The following TMEM52B variants were observed in gnomAD, a reference collection of about 807,000 sequenced individuals.
TMEM52B encodes chromosome 12 open reading frame 59.
A neutral mutation model predicts 16.1 loss-of-function variants in TMEM52B; 11 were observed. The ratio of observed to expected loss-of-function variants is 0.68; its 90% CI spans 0.43 to 1.13. TMEM52B has a LOEUF of 1.13. Among genes scored for constraint, TMEM52B ranks in the 50% most tolerant of loss-of-function variants. The probability of loss-of-function intolerance (pLI) is 0.00; values close to 1 mark genes in which losing one functional copy is unlikely to be tolerated. For missense variants in TMEM52B, 243 were observed against 230.4 expected (o/e 1.05, Z -0.35); for synonymous variants, 101 against 93.8 (o/e 1.08, Z -0.45).
upstream of TMEM52B, among the ~76,000 whole-genome samples, chr12:10,177,810 AATAATTT>A (rs1948778637): frequency 1.4e-5 from 1 of 71,964 alleles, no homozygotes; most frequent in Non-Finnish European, 3.0e-5. Flanking sequence ...TAATAATAAT[AATAATTT>A]TTTTATTAAA....
At chr12:10,183,492 A>T (rs1057039336) in intron 2 of TMEM52B, among the ~76,000 whole-genome samples, 6 of 152,336 alleles carry the variant, frequency 3.9e-5, no homozygotes, top group Admixed American at 6.5e-5. Flanking sequence ...TTTTCTATAA[A>T]TGTGTGACCA....
intron 1 of TMEM52B, chr12:10,172,226 G>A (rs1948728847): frequency 1.7e-6 from 1 of 600,392 alleles, no homozygotes; most frequent in African/African-American, 1.8e-5. Context: ...GAGAGGCTTT[G>A]CTTCATATTG....
chr12:10,182,080 G>GT (rs1355796875), intron 1 of TMEM52B: 1 of 959,394 alleles, frequency 1.0e-6, no homozygotes, highest in East Asian at 1.2e-4. Flanking sequence ...GTGGCATCTA[G>GT]TAGCTATTCG....
chr12:10,174,759 G>A (rs747624802), upstream of TMEM52B, among the ~76,000 whole-genome samples: 1 of 152,046 alleles, frequency 6.6e-6, no homozygotes, highest in Non-Finnish European at 1.5e-5. Context: ...TCCTTTCTTG[G>A]AAACCACCGT....
chr12:10,186,347 A>G (rs371304171), intron 3 of TMEM52B, 73 bp from the exon 4 acceptor site: 2 of 1,257,836 alleles, frequency 1.6e-6, no homozygotes. Flanking sequence ...CACAGACATT[A>G]AAGACTGGTT....
At chr12:10,189,004 G>C (rs1445524273) in intron 4 of TMEM52B, among the ~76,000 whole-genome samples, 6 of 111,218 alleles carry the variant, frequency 5.4e-5, no homozygotes, top group African/African-American at 1.7e-4. Flanking sequence ...GCGACAGAGC[G>C]AGACTCCGTC....
intron 1 of TMEM52B, chr12:10,172,254 A>G (rs1243614053): frequency 1.8e-6 from 1 of 557,732 alleles, no homozygotes; most frequent in African/African-American, 1.9e-5. Context: ...CGCTGACGCA[A>G]ATTCTTGAGT....
rs1330429628 is a variant in TMEM52B, at chr12:10,188,532, G to A, written c.308-1364G>A. Among the ~76,000 whole-genome samples, 324 of 26,670 alleles carry A rather than the reference G, an allele frequency of 0.012. 3 individuals are homozygous for A. The East Asian group carries it at 0.14, about 11-fold the overall frequency. 17.5% of individuals were successfully genotyped at this position (26,670 alleles called of 152,430 possible). On this transcript the variant is annotated intron_variant, in intron 4 of 4. Transcript: ENST00000543484. ...AGGAAGGAAGGAAGGAAGGAAGGAA[G>A]GAAGGAAAAGAAGAAAAAGAAAAAG...
At chr12:10,182,177 A>C (rs1407709494) in intron 1 of TMEM52B, 2 of 985,158 alleles carry the variant, frequency 2.0e-6, no homozygotes, top group African/African-American at 1.7e-5. Context: ...GGATAAAAAA[A>C]GAGCAGTGGT....
At chr12:10,182,314 C>T (rs1948834057) in intron 1 of TMEM52B, 1 of 985,204 alleles carries the variant, frequency 1.0e-6, no homozygotes, top group Admixed American at 6.2e-5. Context: ...GGGTGATGCT[C>T]ACCCACCATC....
rs1281337144 is a variant in TMEM52B at position 10,179,310 on chromosome 12, C to T, written c.-265C>T. 1 of 471,264 alleles carries T rather than the reference C, an allele frequency of 2.1e-6. No homozygotes were observed. Among genetic ancestry groups the T allele is most frequent in the African/African-American group, 2.0e-5 (1 of 51,126 alleles). 29.2% of individuals were successfully genotyped at this position (471,264 alleles called of 1,614,324 possible). ...AATAGTGTAACGGAAAGAAAGAAGG[C>T]AAAAGGAAGTAAATGTGGAGGCCAT... is the stretch of plus-strand genomic sequence containing the variant. On this transcript the variant is annotated 5_prime_UTR_variant, in exon 1 of 5. Transcript: ENST00000543484.
intron 2 of TMEM52B, among the ~76,000 whole-genome samples, chr12:10,184,738 T>C (rs971761779): frequency 5.3e-5 from 8 of 152,236 alleles, no homozygotes; most frequent in African/African-American, 1.9e-4. Context: ...ATTTTCTTTA[T>C]GTTTACATTT....
chr12:10,172,169 C>T (rs1948727861), intron 1 of TMEM52B: 1 of 788,158 alleles, frequency 1.3e-6, no homozygotes, highest in South Asian at 1.5e-5. Context: ...ATTTAAATAG[C>T]TACTGTTATC....
At chr12:10,189,394 C>T (rs1305954059) in intron 4 of TMEM52B, among the ~76,000 whole-genome samples, 1 of 151,854 alleles carries the variant, frequency 6.6e-6, no homozygotes, top group South Asian at 2.1e-4. Flanking sequence ...GAGGCCAAGG[C>T]GGGTGGATCA....
upstream of TMEM52B, among the ~76,000 whole-genome samples, chr12:10,177,741 G>A (rs1409946837): frequency 6.7e-6 from 1 of 148,204 alleles, no homozygotes; most frequent in South Asian, 2.2e-4. Flanking sequence ...CTGCCCTCCA[G>A]CCTGGTGACA....
chr12:10,174,573 A>T (rs779856649), upstream of TMEM52B, among the ~76,000 whole-genome samples: 2 of 152,154 alleles, frequency 1.3e-5, no homozygotes, highest in South Asian at 2.1e-4. Context: ...TCAGCCATCA[A>T]CTCTCCCAGT....
rs1290339555 is a variant in TMEM52B, at chr12:10,182,647, C to T, written c.98+54C>T. On this transcript the variant is annotated intron_variant, in intron 2 of 4. Transcript: ENST00000543484. ...GGAGCAACAGACCAAAACATCACTACCCCAAAAGAGAGTCAAGATGTCATT... is the reference window on the plus strand; with the variant it reads ...GGAGCAACAGACCAAAACATCACTATCCCAAAAGAGAGTCAAGATGTCATT... The T allele has an allele frequency of 3.3e-6, 5 of 1,499,018 alleles. No homozygotes were observed. The African/African-American group carries it at 5.6e-5, about 17-fold the overall frequency. 92.9% of individuals were successfully genotyped at this position (1,499,018 alleles called of 1,614,324 possible).
upstream of TMEM52B, among the ~76,000 whole-genome samples, chr12:10,177,376 T>C (rs2137538702): frequency 6.6e-6 from 1 of 152,292 alleles, no homozygotes; most frequent in African/African-American, 2.4e-5. Context: ...AACCAGTTTA[T>C]ATCCTGCATT....
At chr12:10,188,030 C>G (rs1449846085) in intron 4 of TMEM52B, among the ~76,000 whole-genome samples, 1 of 152,126 alleles carries the variant, frequency 6.6e-6, no homozygotes, top group South Asian at 2.1e-4. Flanking sequence ...ACCCGGGAGG[C>G]AAAGGTTGAA....
Sources: gnomAD v4.1 joint callset for allele counts (sites outside exome capture counted in the v4.1 genomes callset) on GRCh38, gnomAD v4.1.1 for gene constraint, MANE v1.5 for transcripts, NCBI Gene and HGNC (gene_info 2026-07-23, HGNC 2026-07-21) for gene names.